Variants in YLPM1 observed in about 807,000 individuals in gnomAD.
YLPM1 encodes YLP motif-containing protein 1.
YLPM1 carries 99 observed loss-of-function variants against 230.0 expected under a neutral mutation model. The ratio of observed to expected loss-of-function variants is 0.43; its 90% CI spans 0.37 to 0.51. The LOEUF is 0.51. Among genes scored for constraint, YLPM1 ranks in the 20% least tolerant of loss-of-function variants. The pLI is 0.00. For synonymous variants in YLPM1, 984 were observed against 942.5 expected (o/e 1.04, Z -0.81); for missense variants, 2,592 against 2,707.7 (o/e 0.96, Z 0.95).
Position 74,809,364 on chromosome 14 carries a change from T to C in YLPM1, c.4522-16T>C, listed in dbSNP as rs373271580. On this transcript the variant is annotated splice_polypyrimidine_tract_variant and intron_variant, in intron 6 of 20. Transcript: ENST00000325680. ...GTGGTATACTTGTCCACTAAGCTATTTATTCTGTTCTCTAGCCTCCAGGGT... is the reference window on the plus strand; with the variant it reads ...GTGGTATACTTGTCCACTAAGCTATCTATTCTGTTCTCTAGCCTCCAGGGT... 1.7e-4 allele frequency: 262 copies of C among 1,587,770 alleles called. No individual in the cohort carries two copies. The highest frequency in any genetic ancestry group is 2.2e-4 in the Non-Finnish European group (255 of 1,170,730).
intron 16 of YLPM1, among the ~76,000 whole-genome samples, chr14:74,819,880 A>G (rs1001848328): frequency 1.3e-5 from 2 of 152,132 alleles, no homozygotes; most frequent in African/African-American, 4.8e-5. Context: ...ACTCTTTAAA[A>G]GGGCCCCCTT....
At chr14:74,784,775 A>T (rs540698437) in intron 4 of YLPM1, among the ~76,000 whole-genome samples, 7 of 152,194 alleles carry the variant, frequency 4.6e-5, no homozygotes, top group Admixed American at 6.5e-5. Context: ...TTATTTAAAA[A>T]CTATTACCCT....
Position 74,763,749 on chromosome 14 carries a change from C to T in YLPM1, c.260C>T (p.Pro87Leu). The T allele has an allele frequency of 6.7e-7, 1 of 1,492,010 alleles. No individual in the cohort carries two copies. The highest frequency in any genetic ancestry group is 8.9e-7 in the Non-Finnish European group (1 of 1,121,650). The allele number at this position is 1,492,010 out of a possible 1,614,324, so 92.4% of individuals were successfully genotyped here. Reference protein sequence around the residue: ...QPHHLPPPPLPPPPVMPGGGY... With the variant: ...QPHHLPPPPLLPPPVMPGGGY... Reference sequence around the variant, plus strand: ...CACCACCTTCCTCCGCCCCCTCTGCCGCCCCCGCCAGTGATGCCGGGGGGC... The same window carrying T: ...CACCACCTTCCTCCGCCCCCTCTGCTGCCCCCGCCAGTGATGCCGGGGGGC... Residue 87 changes from proline (P) to leucine (L), a missense_variant, in exon 1 of 21, where the codon CCG becomes CTG. Physicochemically the swap from Pro to Leu is moderately conservative, Grantham distance 98. Around this residue, in one of 4 missense-constraint regions of YLPM1, gnomAD observed 1,862 missense variants for 1,819.8 expected, o/e 1.02. Transcript: ENST00000325680.
intron 19 of YLPM1, 74 bp downstream of exon 19, chr14:74,829,417 A>G: frequency 6.3e-7 from 1 of 1,585,838 alleles, no homozygotes; most frequent in Non-Finnish European, 8.6e-7. Flanking sequence ...AGTTACAGGC[A>G]GATGATCACA....
At chr14:74,773,987 C>T (rs2091006756) in intron 1 of YLPM1, among the ~76,000 whole-genome samples, 1 of 152,098 alleles carries the variant, frequency 6.6e-6, no homozygotes, top group South Asian at 2.1e-4. Flanking sequence ...TCCCAAAGTA[C>T]TGGGATTACA....
intron 11 of YLPM1, 56 bp from the exon 12 acceptor site, chr14:74,816,147 T>C: frequency 6.6e-7 from 1 of 1,518,144 alleles, no homozygotes; most frequent in Non-Finnish European, 8.9e-7. Flanking sequence ...TGTTATCTCA[T>C]TGCAGAAAAT....
At chr14:74,780,351 T>A in intron 2 of YLPM1, 54 bp from the exon 3 acceptor site, 1 of 1,545,666 alleles carries the variant, frequency 6.5e-7, no homozygotes, top group South Asian at 1.3e-5. Flanking sequence ...TTATAAAATA[T>A]TTTTGCTTGC....
chr14:74,835,082 A>G, intron 19 of YLPM1, 183 bp from the exon 20 acceptor site: 1 of 697,944 alleles, frequency 1.4e-6, no homozygotes, highest in South Asian at 2.2e-5. Flanking sequence ...TGGATTGTCC[A>G]GAGAGTTTTC....
In YLPM1 at chr14:74,809,711, C is replaced by T. The variant is rs368026847; in HGVS notation, c.4853C>T (p.Pro1618Leu). ...CCCCCACCTGTTCACTCTTCCATTC[C>T]CCCTCCTGGCCCAGTGCCTATGGGT... ...LPPPPVHSSI[P>L]PPGPVPMGMP... Residue 1618 changes from proline to leucine, a missense_variant, in exon 7 of 21, where the codon CCC becomes CTC. Pro to Leu is a moderately conservative substitution (Grantham distance 98). This residue lies in a region of YLPM1 where 403 missense variants were observed against 426.7 expected (regional missense o/e 0.94). Coordinates refer to ENST00000325680, the MANE Select transcript of YLPM1 (RefSeq NM_019589.3). 1 of 1,613,934 alleles carries T rather than the reference C, an allele frequency of 6.2e-7. No individual in the cohort carries two copies. Among genetic ancestry groups the T allele is most frequent in the African/African-American group, 1.3e-5 (1 of 74,936 alleles).
chr14:74,763,380 G>C lies in YLPM1; in HGVS notation c.-110G>C. 1 of 1,324,224 alleles carries C rather than the reference G, an allele frequency of 7.6e-7. No homozygotes were observed. Among genetic ancestry groups the C allele is most frequent in the Non-Finnish European group, 9.8e-7 (1 of 1,016,154 alleles). 82.0% of individuals were successfully genotyped at this position (1,324,224 alleles called of 1,614,324 possible). On this transcript the variant is annotated 5_prime_UTR_variant, in exon 1 of 21. Coordinates refer to ENST00000325680, the MANE Select transcript of YLPM1 (RefSeq NM_019589.3). The stretch of plus-strand genomic sequence containing the variant: ...TGGCGCGCTCCGTTTACACGCTCCG[G>C]GGCCTGTAGGCGCCGCGAGTTCCGG...
intron 1 of YLPM1, among the ~76,000 whole-genome samples, chr14:74,765,470 G>C (rs954181737): frequency 2.0e-5 from 3 of 152,152 alleles, no homozygotes; most frequent in African/African-American, 4.8e-5. Flanking sequence ...GAAAACACTT[G>C]GGATGCTGAA....
At chr14:74,784,492 A>G (rs751794150) in intron 4 of YLPM1, among the ~76,000 whole-genome samples, 5 of 152,230 alleles carry the variant, frequency 3.3e-5, no homozygotes, top group South Asian at 2.1e-4. Flanking sequence ...CTTGCCTCAT[A>G]TAACACAGCT....
intron 17 of YLPM1, 170 bp from the exon 18 acceptor site, chr14:74,824,086 C>T (rs2091544298): frequency 1.6e-6 from 1 of 626,202 alleles, no homozygotes; most frequent in Non-Finnish European, 2.7e-6. Context: ...TGAATTTGGT[C>T]ATTTAGTTTC....
Position 74,782,292 on chromosome 14 carries a change from G to A in YLPM1, c.2249G>A (p.Arg750Lys), listed in dbSNP as rs2140090324. ...RSGGLLPDPP[R>K]SSYLESPRGP... ...GGTGGCCTGCTTCCAGATCCTCCTA[G>A]AAGTAGTTACTTGGAAAGTCCAAGA... The change falls in exon 4 of 21, where the codon AGA becomes AAA. Residue 750 changes from arginine to lysine, a missense_variant. By Grantham distance (26) the Arg-to-Lys change is conservative. Transcript: ENST00000325680. 1 of 1,538,980 alleles carries A rather than the reference G, an allele frequency of 6.5e-7. No homozygotes were observed. The highest frequency in any genetic ancestry group is 2.2e-5 in the East Asian group (1 of 44,456).
At chr14:74,812,881 A>C in intron 11 of YLPM1, 99 bp downstream of exon 11, 3 of 1,406,238 alleles carry the variant, frequency 2.1e-6, no homozygotes, top group Non-Finnish European at 2.8e-6. Flanking sequence ...GCAACATAGT[A>C]ATAATATCAG....
At chr14:74,773,481 T>C (rs1453937433) in intron 1 of YLPM1, among the ~76,000 whole-genome samples, 11 of 152,180 alleles carry the variant, frequency 7.2e-5, no homozygotes, top group African/African-American at 2.7e-4. Flanking sequence ...AGCATTGGCT[T>C]AGTTTGTGAA....
chr14:74,791,120 T>G (rs796375579), intron 4 of YLPM1, among the ~76,000 whole-genome samples: 82 of 152,212 alleles, frequency 5.4e-4, no homozygotes, highest in African/African-American at 1.9e-3. Flanking sequence ...CATAAAAAAT[T>G]AGCCAGGCAT....
chr14:74,771,094 TA>T (rs2090972616), intron 1 of YLPM1, among the ~76,000 whole-genome samples: 1 of 152,124 alleles, frequency 6.6e-6, no homozygotes, highest in African/African-American at 2.4e-5. Flanking sequence ...TCAAATTTAC[TA>T]AAACAGAAAA....
intron 5 of YLPM1, 103 bp from the exon 6 acceptor site, chr14:74,802,453 A>G (rs2140115516): frequency 5.0e-6 from 7 of 1,387,884 alleles, no homozygotes; most frequent in Non-Finnish European, 6.7e-6. Flanking sequence ...ATTTTAGGAC[A>G]AGGATTTTTT....
Sources: allele counts gnomAD v4.1 joint callset (sites outside exome capture counted in the v4.1 genomes callset), GRCh38; gene constraint gnomAD v4.1.1; regional missense constraint gnomAD v4.1.1; transcripts MANE v1.5; gene names NCBI Gene and HGNC (gene_info 2026-07-23, HGNC 2026-07-21).